AGO4: variants seen among roughly 807,000 people sequenced by gnomAD.
AGO4 encodes argonaute RISC component 4, also known as protein argonaute-4.
A neutral mutation model predicts 104.7 loss-of-function variants in AGO4; 33 were observed. That is an observed-to-expected ratio of 0.32 (90% CI 0.24 to 0.42). The LOEUF (loss-of-function observed/expected upper bound fraction) is 0.42. Ranked by LOEUF, AGO4 falls within the 10% of genes least tolerant of loss-of-function variation. The probability of loss-of-function intolerance (pLI) is 1.00; values close to 1 mark genes in which losing one functional copy is unlikely to be tolerated. For missense variants in AGO4, 711 were observed against 1,083.4 expected (o/e 0.66, Z 4.83); for synonymous variants, 331 against 364.7 (o/e 0.91, Z 1.05).
At chr1:35,830,575 A>T (rs961310127) in intron 7 of AGO4, among the ~76,000 whole-genome samples, 1 of 152,168 alleles carries the variant, frequency 6.6e-6, no homozygotes, top group Non-Finnish European at 1.5e-5. Context: ...ATTTTAATTT[A>T]AAAAAATTTC....
At chr1:35,842,694 C>T (rs970390405) in intron 15 of AGO4, among the ~76,000 whole-genome samples, 4 of 152,024 alleles carry the variant, frequency 2.6e-5, no homozygotes, top group Non-Finnish European at 5.9e-5. Context: ...CCCAGGTATC[C>T]AGGAGGCTGA....
intron 15 of AGO4, among the ~76,000 whole-genome samples, chr1:35,846,403 C>T (rs542140646): frequency 6.6e-6 from 1 of 151,968 alleles, no homozygotes; most frequent in African/African-American, 2.4e-5. Flanking sequence ...CGAGACCATC[C>T]TGGCTACCAC....
intron 1 of AGO4, among the ~76,000 whole-genome samples, chr1:35,810,269 A>G (rs779684820): frequency 3.3e-5 from 5 of 152,230 alleles, no homozygotes; most frequent in Non-Finnish European, 7.3e-5. Context: ...GCTGCCTGCT[A>G]AGCATAGAAT....
chr1:35,830,543 AT>A (rs1013145555), intron 7 of AGO4, among the ~76,000 whole-genome samples: 71 of 152,214 alleles, frequency 4.7e-4, no homozygotes, highest in African/African-American at 1.7e-3. Flanking sequence ...GTTTTAAGTT[AT>A]TTTTTTAAAA....
At position 35,841,519 on chromosome 1, in the gene AGO4, G is replaced by A. The variant is rs41308341; in HGVS notation, c.2040+39G>A. 0.068 allele frequency: 109,595 copies of A among 1,608,354 alleles called. 4,200 individuals carry two copies. The highest frequency in any genetic ancestry group is 0.077 in the Non-Finnish European group (90,575 of 1,175,694). Reference sequence around the variant, plus strand: ...CCCTGTTGCCCTTCGGGGCCCCTAGGAGTCTGAGGGAGATTCCTCTCATCT... The same window carrying A: ...CCCTGTTGCCCTTCGGGGCCCCTAGAAGTCTGAGGGAGATTCCTCTCATCT... On this transcript the variant is annotated intron_variant, in intron 14 of 17. Coordinates refer to ENST00000373210, the MANE Select transcript of AGO4 (RefSeq NM_017629.4). This position sits in a 1 kb window ranked among gnomAD's most constrained non-coding sequence, Gnocchi z 4.7.
intron 7 of AGO4, among the ~76,000 whole-genome samples, chr1:35,830,350 G>T (rs921293280): frequency 2.0e-5 from 3 of 152,018 alleles, no homozygotes; most frequent in African/African-American, 7.2e-5. Context: ...ATCTAAAAAT[G>T]TGGCCCCAAT....
chr1:35,852,515 C>T (rs571681247), intron 17 of AGO4, among the ~76,000 whole-genome samples: 302 of 152,268 alleles, frequency 2.0e-3, no homozygotes, highest in Non-Finnish European at 3.4e-3. Flanking sequence ...ACTGGTGGCA[C>T]AATAGCATTT....
chr1:35,841,128 T>C lies in AGO4; in HGVS notation c.1725-37T>C, dbSNP rs113698862. 30 of 1,583,846 alleles carry C rather than the reference T, an allele frequency of 1.9e-5. No homozygotes were observed. Among genetic ancestry groups the C allele is most frequent in the African/African-American group, 4.0e-5 (3 of 74,420 alleles). On this transcript the variant is annotated intron_variant, in intron 13 of 17. Coordinates refer to ENST00000373210, the MANE Select transcript of AGO4 (RefSeq NM_017629.4). The surrounding 1 kb of genome is among the most constrained non-coding windows in gnomAD (Gnocchi z 4.7). Reference sequence around the variant, plus strand: ...TGCTAAACTCAAACATTTTCACTTATATGTCTGAGTGGCAACATCTCCTTA... The same window carrying C: ...TGCTAAACTCAAACATTTTCACTTACATGTCTGAGTGGCAACATCTCCTTA...
intron 7 of AGO4, among the ~76,000 whole-genome samples, chr1:35,828,384 T>C (rs1644087394): frequency 6.6e-6 from 1 of 151,912 alleles, no homozygotes; most frequent in South Asian, 2.1e-4. Context: ...AAGACATCTA[T>C]TGCTTTGTGT....
At chr1:35,827,790 C>CTT (rs142432459) in intron 7 of AGO4, among the ~76,000 whole-genome samples, 1 of 103,850 alleles carries the variant, frequency 9.6e-6, no homozygotes, top group Non-Finnish European at 1.9e-5. Context: ...TGTTGTTATT[C>CTT]TTTTTTTTTT....
chr1:35,823,309 G>C (rs1643928416), intron 3 of AGO4, among the ~76,000 whole-genome samples: 1 of 150,516 alleles, frequency 6.6e-6, no homozygotes, highest in Non-Finnish European at 1.5e-5. Flanking sequence ...CTGGAATGCA[G>C]TGGTTTGGTC....
At chr1:35,837,029 ATGT>A (rs1359433191) in intron 13 of AGO4, among the ~76,000 whole-genome samples, 2 of 152,140 alleles carry the variant, frequency 1.3e-5, no homozygotes, top group East Asian at 3.9e-4. Context: ...ATGAGTAATG[ATGT>A]TAAGCACATT....
chr1:35,820,545 C>T (rs559329777), intron 2 of AGO4, among the ~76,000 whole-genome samples: 12 of 151,762 alleles, frequency 7.9e-5, no homozygotes, highest in Non-Finnish European at 1.8e-4. Flanking sequence ...TTAGTAGAGA[C>T]GAGGTTTCAC....
rs1334011969 is a variant in AGO4, at chr1:35,841,495, C to T, written c.2040+15C>T. 1 of 1,609,896 alleles carries T rather than the reference C, an allele frequency of 6.2e-7. No individual in the cohort carries two copies. The highest frequency in any genetic ancestry group is 8.5e-7 in the Non-Finnish European group (1 of 1,176,754). On this transcript the variant is annotated intron_variant, in intron 14 of 17. Transcript: ENST00000373210. The surrounding 1 kb of genome is among the most constrained non-coding windows in gnomAD (Gnocchi z 4.7). ...AAATGAAACAGGTACTCTCATTATC[C>T]CTGTTGCCCTTCGGGGCCCCTAGGA...
At chr1:35,842,992 A>G (rs1040343047) in intron 15 of AGO4, among the ~76,000 whole-genome samples, 1 of 152,044 alleles carries the variant, frequency 6.6e-6, no homozygotes, top group African/African-American at 2.4e-5. Context: ...TAATCATGTA[A>G]TCTTGTTTGC....
chr1:35,819,459 T>TGGGA (rs1448518355), intron 2 of AGO4, among the ~76,000 whole-genome samples: 4 of 151,310 alleles, frequency 2.6e-5, no homozygotes, highest in Non-Finnish European at 5.9e-5. Context: ...CCGCGCGCGG[T>TGGGA]GGCTCACATC....
At chr1:35,816,834 GAA>G (rs1643723709) in intron 1 of AGO4, 46 bp from the exon 2 acceptor site, 7 of 1,368,918 alleles carry the variant, frequency 5.1e-6, no homozygotes, top group Non-Finnish European at 5.8e-6. Flanking sequence ...AAGAAAGAAA[GAA>G]AAAGAAAAAA....
At chr1:35,811,261 G>A (rs549610452) in intron 1 of AGO4, among the ~76,000 whole-genome samples, 1 of 151,956 alleles carries the variant, frequency 6.6e-6, no homozygotes, top group East Asian at 1.9e-4. Flanking sequence ...ATCACCTGAG[G>A]TTAGGAGTTC....
chr1:35,827,062 C>T (rs547790842), intron 7 of AGO4, among the ~76,000 whole-genome samples: 3 of 151,466 alleles, frequency 2.0e-5, no homozygotes, highest in Admixed American at 2.0e-4. Context: ...ACTAGCTGGG[C>T]GTGGTGGCGG....
Sources: allele counts gnomAD v4.1 joint callset (sites outside exome capture counted in the v4.1 genomes callset), GRCh38; gene constraint gnomAD v4.1.1; non-coding constraint Gnocchi (gnomAD v3.1); transcripts MANE v1.5; gene names NCBI Gene and HGNC (gene_info 2026-07-23, HGNC 2026-07-21).